Variants in ZNF469 observed in about 807,000 individuals in gnomAD.
The protein encoded by ZNF469 is zinc finger protein 469.
ZNF469 carries 1 observed loss-of-function variant against 1.0 expected under a neutral mutation model. That is an observed-to-expected ratio of 1.00 (90% CI 0.35 to 4.73). The LOEUF is 4.73. Among genes scored for constraint, ZNF469 ranks in the 30% most tolerant of loss-of-function variants. The pLI is 0.16. For missense variants in ZNF469, 6,100 were observed against 5,356.3 expected (o/e 1.14, Z -4.33); for synonymous variants, 2,703 against 2,363.4 (o/e 1.14, Z -4.17).
chr16:88,381,117 C>CAG (rs1205247387), upstream of ZNF469, among the ~76,000 whole-genome samples: 3 of 149,114 alleles, frequency 2.0e-5, no homozygotes, highest in Admixed American at 6.7e-5. Context: ...CACTCGCACA[C>CAG]ACGCACACAC....
the ZNF469 span, among the ~76,000 whole-genome samples, chr16:88,110,995 C>T: frequency 3.3e-5 from 5 of 152,384 alleles, no homozygotes; most frequent in African/African-American, 4.8e-5. Context: ...CAGATGAAGA[C>T]GCTGCGGCCC....
chr16:88,134,485 A>G, the ZNF469 span, among the ~76,000 whole-genome samples: 3 of 152,258 alleles, frequency 2.0e-5, no homozygotes, highest in East Asian at 1.9e-4. Context: ...ACTTTCTGCA[A>G]TGAGCCGTGT....
chr16:88,368,178 C>T, the ZNF469 span, among the ~76,000 whole-genome samples: 1 of 152,272 alleles, frequency 6.6e-6, no homozygotes, highest in East Asian at 1.9e-4. Flanking sequence ...GCAAGCTTGG[C>T]ATCAGATGCT....
the ZNF469 span, among the ~76,000 whole-genome samples, chr16:88,356,284 G>A: frequency 2.6e-4 from 39 of 152,210 alleles, no homozygotes; most frequent in African/African-American, 5.3e-4. Flanking sequence ...GTCCATGATC[G>A]AATCTCAGTC....
rs1260689520 is a variant in ZNF469, at chr16:88,438,772, C to A, written c.11302C>A (p.Pro3768Thr). Residue 3768 changes from proline (P) to threonine (T), a missense_variant, in exon 3 of 3, where the codon CCC becomes ACC. Physicochemically the swap from Pro to Thr is conservative, Grantham distance 38. Coordinates refer to ENST00000565624, the MANE Select transcript of ZNF469 (RefSeq NM_001367624.2). Reference sequence around the variant, plus strand: ...CGAGACAGCCACCACCCCAGCCAAGCCCAGCTTCCCCAGCCGGAGCCCTGC... The same window carrying A: ...CGAGACAGCCACCACCCCAGCCAAGACCAGCTTCCCCAGCCGGAGCCCTGC... ...QSETATTPAK[P>T]SFPSRSPAPE... 2.6e-6 allele frequency: 4 copies of A among 1,550,148 alleles called. No homozygotes were observed. The South Asian group carries it at 4.8e-5, about 18-fold the overall frequency.
the ZNF469 span, among the ~76,000 whole-genome samples, chr16:88,201,352 C>A: frequency 1.3e-5 from 2 of 152,086 alleles, no homozygotes; most frequent in Non-Finnish European, 2.9e-5. This position sits in a 1 kb window ranked among gnomAD's most constrained non-coding sequence, Gnocchi z 5.0. Flanking sequence ...GTCAGGAGTT[C>A]GAGACCAGCC....
chr16:88,167,612 G>A, the ZNF469 span, among the ~76,000 whole-genome samples: 1 of 152,164 alleles, frequency 6.6e-6, no homozygotes, highest in Non-Finnish European at 1.5e-5. Context: ...TGGTAGGGAG[G>A]TTTCCAAGGT....
At chr16:88,300,695 AG>A in the ZNF469 span, among the ~76,000 whole-genome samples, 3 of 151,932 alleles carry the variant, frequency 2.0e-5, no homozygotes, top group South Asian at 6.2e-4. Flanking sequence ...TCACCCACCC[AG>A]CCCCTGGGGA....
chr16:88,242,683 T>A, the ZNF469 span, among the ~76,000 whole-genome samples: 2 of 152,214 alleles, frequency 1.3e-5, no homozygotes, highest in African/African-American at 2.4e-5. Flanking sequence ...CCAGGCAGGG[T>A]CCTAGGCAGC....
chr16:88,409,263 G>A (rs896214871), intron 1 of ZNF469, among the ~76,000 whole-genome samples: 2 of 152,244 alleles, frequency 1.3e-5, no homozygotes, highest in Non-Finnish European at 2.9e-5. Context: ...CGATGATGAC[G>A]AGGTCTCTTG....
rs1295018996 is a variant in ZNF469, at chr16:88,430,245, A to T, written c.2775A>T (p.Lys925Asn). ...DRGCPARGRP[K>N]TRSLGLAPTE... The stretch of plus-strand genomic sequence containing the variant: ...GCTGCCCAGCCCGAGGCAGGCCCAA[A>T]ACGCGTTCCCTGGGTCTGGCCCCCA... Residue 925 changes from lysine (K) to asparagine (N), a missense_variant, in exon 3 of 3, where the codon AAA becomes AAT. Lys to Asn is a moderately conservative substitution (Grantham distance 94). Transcript: ENST00000565624. The T allele has an allele frequency of 7.8e-6, 12 of 1,528,782 alleles. No homozygotes were observed. Among genetic ancestry groups the T allele is most frequent in the Non-Finnish European group, 9.7e-6 (11 of 1,137,012 alleles). 94.7% of individuals were successfully genotyped at this position (1,528,782 alleles called of 1,614,324 possible). A position where few individuals can be genotyped will look rare whatever the true frequency, so the allele number is the denominator to read the frequency against.
At chr16:88,128,644 G>A in the ZNF469 span, among the ~76,000 whole-genome samples, 1 of 152,200 alleles carries the variant, frequency 6.6e-6, no homozygotes, top group Non-Finnish European at 1.5e-5. Flanking sequence ...TCTCTCCCCC[G>A]ACCCAGGTCT....
chr16:88,418,548 C>A (rs552423605), intron 1 of ZNF469, among the ~76,000 whole-genome samples: 2 of 151,852 alleles, frequency 1.3e-5, no homozygotes, highest in Non-Finnish European at 2.9e-5. Context: ...TCCCCACCGC[C>A]CCCCCGGCCA....
At chr16:88,347,738 G>A in the ZNF469 span, among the ~76,000 whole-genome samples, 6 of 152,116 alleles carry the variant, frequency 3.9e-5, no homozygotes, top group Admixed American at 1.3e-4. Context: ...TCCCATCTTC[G>A]CCTTTCCAGC....
the ZNF469 span, among the ~76,000 whole-genome samples, chr16:88,120,660 C>T: frequency 1.3e-5 from 2 of 152,204 alleles, no homozygotes; most frequent in East Asian, 1.9e-4. Flanking sequence ...TGGGTCACCG[C>T]GGCTCCCGGG....
At chr16:88,233,255 G>A in the ZNF469 span, among the ~76,000 whole-genome samples, 1 of 152,212 alleles carries the variant, frequency 6.6e-6, no homozygotes, top group East Asian at 1.9e-4. Flanking sequence ...GGTTCTTTGT[G>A]TGTGTAGCCT....
At chr16:88,201,996 C>T in the ZNF469 span, among the ~76,000 whole-genome samples, 1 of 152,048 alleles carries the variant, frequency 6.6e-6, no homozygotes, top group Non-Finnish European at 1.5e-5. The surrounding 1 kb of genome is among the most constrained non-coding windows in gnomAD (Gnocchi z 5.0). Context: ...TCCCTTTTTG[C>T]CTGGAGGAGA....
At chr16:88,395,339 A>G (rs1448512591) in intron 1 of ZNF469, among the ~76,000 whole-genome samples, 5 of 148,666 alleles carry the variant, frequency 3.4e-5, no homozygotes, top group South Asian at 2.1e-4. Context: ...TGGGTTGGGT[A>G]GGTGGGTGGA....
chr16:88,277,714 G>A, the ZNF469 span, among the ~76,000 whole-genome samples: 34 of 77,794 alleles, frequency 4.4e-4, 2 homozygotes, highest in East Asian at 8.7e-4. Context: ...CCACACTGAC[G>A]CTTGGTCAGT....
Sources: allele counts gnomAD v4.1 joint callset (sites outside exome capture counted in the v4.1 genomes callset), GRCh38; gene constraint gnomAD v4.1.1; non-coding constraint Gnocchi (gnomAD v3.1); transcripts MANE v1.5; gene names NCBI Gene and HGNC (gene_info 2026-07-23, HGNC 2026-07-21).